MYO1D: variants seen among roughly 807,000 people sequenced by gnomAD.
The protein encoded by MYO1D is unconventional myosin-Id.
A neutral mutation model predicts 122.0 loss-of-function variants in MYO1D; 83 were observed. That is an observed-to-expected ratio of 0.68 (90% CI 0.57 to 0.82). MYO1D has a LOEUF of 0.82. Among genes scored for constraint, MYO1D ranks in the 40% least tolerant of loss-of-function variants. The pLI is 0.00. For missense variants in MYO1D, 1,157 were observed against 1,269.5 expected, an observed-to-expected ratio of 0.91 and a Z score of 1.35; for synonymous variants, 464 against 446.9, an observed-to-expected ratio of 1.04 and a Z score of -0.48.
At chr17:32,691,925 C>T (rs774605933) in intron 16 of MYO1D, among the ~76,000 whole-genome samples, 2 of 152,032 alleles carry the variant, frequency 1.3e-5, no homozygotes, top group Admixed American at 6.6e-5. Context: ...TGAAAAATCC[C>T]GAGTATTTGG....
chr17:32,783,113 T>C (rs1457643040), intron 1 of MYO1D, among the ~76,000 whole-genome samples: 1 of 148,444 alleles, frequency 6.7e-6, no homozygotes, highest in African/African-American at 2.5e-5. Flanking sequence ...AGGAAAAGAA[T>C]CAAAAGGGCA....
At chr17:32,846,425 T>C (rs2090938173) in intron 1 of MYO1D, among the ~76,000 whole-genome samples, 2 of 152,236 alleles carry the variant, frequency 1.3e-5, no homozygotes, top group South Asian at 4.1e-4. Context: ...ATGTGTAGTA[T>C]TTCTATTAGC....
chr17:32,597,470 T>C (rs1364328709), intron 21 of MYO1D, among the ~76,000 whole-genome samples: 2 of 137,374 alleles, frequency 1.5e-5, no homozygotes, highest in Non-Finnish European at 3.2e-5. Flanking sequence ...ATGGTATGTG[T>C]AGCATATCAC....
intron 1 of MYO1D, among the ~76,000 whole-genome samples, chr17:32,875,596 T>C (rs2091221041): frequency 6.6e-6 from 1 of 152,174 alleles, no homozygotes; most frequent in Non-Finnish European, 1.5e-5. Context: ...GTATATCATT[T>C]TGATTAATAT....
chr17:32,686,789 C>T (rs2089015284), intron 16 of MYO1D, among the ~76,000 whole-genome samples: 1 of 151,990 alleles, frequency 6.6e-6, no homozygotes, highest in South Asian at 2.1e-4. Context: ...TCACCTGAGC[C>T]CCAGAGGCTG....
intron 1 of MYO1D, among the ~76,000 whole-genome samples, chr17:32,854,011 C>A (rs2091009531): frequency 6.6e-6 from 1 of 152,192 alleles, no homozygotes; most frequent in South Asian, 2.1e-4. Context: ...TGAAAGTCAC[C>A]TTTCATAGCT....
intron 15 of MYO1D, among the ~76,000 whole-genome samples, chr17:32,717,258 CA>C (rs959198864): frequency 1.3e-4 from 20 of 152,208 alleles, no homozygotes; most frequent in African/African-American, 3.9e-4. Context: ...AATTTCAACA[CA>C]TAATTCTTTT....
At position 32,555,764 on chromosome 17, in the gene MYO1D, G is replaced by A. The variant is rs1184782942; in HGVS notation, c.2864+49323C>T. On this transcript the variant is annotated intron_variant, in intron 21 of 21. Transcript: ENST00000318217. ...CCCTCCTCACACCACGTGCAAAGCCGTGGCTAATGGTCTGTTCCTCCAACT... is the reference window on the plus strand; with the variant it reads ...CCCTCCTCACACCACGTGCAAAGCCATGGCTAATGGTCTGTTCCTCCAACT... Among the ~76,000 whole-genome samples, 10 of 152,278 alleles carry A rather than the reference G, an allele frequency of 6.6e-5. No homozygotes were observed. In the East Asian group the frequency reaches 1.2e-3, roughly 18 times the overall value.
intron 17 of MYO1D, among the ~76,000 whole-genome samples, chr17:32,658,130 CA>C (rs1227853546): frequency 2.0e-5 from 3 of 151,944 alleles, no homozygotes; most frequent in Non-Finnish European, 4.4e-5. Flanking sequence ...TTCTTATGAG[CA>C]ATTATTTCTT....
chr17:32,744,798 C>T (rs1035292676), intron 13 of MYO1D, among the ~76,000 whole-genome samples: 6 of 152,204 alleles, frequency 3.9e-5, no homozygotes, highest in Non-Finnish European at 8.8e-5. Flanking sequence ...ACACTAGATG[C>T]CACTCTGATA....
At chr17:32,772,712 G>A in intron 5 of MYO1D, 77 bp downstream of exon 5, 1 of 1,242,858 alleles carries the variant, frequency 8.0e-7, no homozygotes, top group Non-Finnish European at 1.2e-6. Flanking sequence ...ATAGGACAGG[G>A]GAAAGCCCAA....
chr17:32,546,183 G>A (rs912163894), intron 21 of MYO1D, among the ~76,000 whole-genome samples: 1 of 152,160 alleles, frequency 6.6e-6, no homozygotes, highest in Non-Finnish European at 1.5e-5. Flanking sequence ...GCACCCGGTA[G>A]AAATGGCTCC....
intron 14 of MYO1D, among the ~76,000 whole-genome samples, chr17:32,729,539 C>T (rs1197176805): frequency 6.6e-6 from 1 of 151,974 alleles, no homozygotes; most frequent in South Asian, 2.1e-4. Flanking sequence ...AAGTGCTAGA[C>T]AAAATATGGG....
chr17:32,774,103 G>C (rs933273353), intron 4 of MYO1D, among the ~76,000 whole-genome samples: 13 of 151,954 alleles, frequency 8.6e-5, no homozygotes, highest in Non-Finnish European at 1.8e-4. Flanking sequence ...CCTCACACCC[G>C]ATCTGGCTTA....
intron 21 of MYO1D, among the ~76,000 whole-genome samples, chr17:32,584,282 A>G (rs186821486): frequency 6.6e-6 from 1 of 152,196 alleles, no homozygotes; most frequent in Non-Finnish European, 1.5e-5. Flanking sequence ...GTTTCCCTTG[A>G]TAAGACAATA....
At chr17:32,583,824 C>CA (rs1392422781) in intron 21 of MYO1D, among the ~76,000 whole-genome samples, 4 of 152,040 alleles carry the variant, frequency 2.6e-5, no homozygotes, top group African/African-American at 9.7e-5. Flanking sequence ...ACTGCAGCCT[C>CA]AACCTCCTGG....
In MYO1D at chr17:32,654,203, C is replaced by T. The variant is rs77133003; in HGVS notation, c.2491-256G>A. ...AATATAAAGGTAGTAATTAAAAAAT[C>T]GTCACTGAATGATGTAAGGGAAGGT... On this transcript the variant is annotated intron_variant, in intron 18 of 21. Transcript: ENST00000318217. Among the ~76,000 whole-genome samples, 945 of 152,178 alleles carry T rather than the reference C, an allele frequency of 6.2e-3. 12 individuals are homozygous for T. The highest frequency in any genetic ancestry group is 0.018 in the African/African-American group (752 of 41,514).
At chr17:32,519,901 TAAAA>T (rs576868258) in intron 21 of MYO1D, among the ~76,000 whole-genome samples, 7,541 of 132,136 alleles carry the variant, frequency 0.057, 522 homozygotes, top group African/African-American at 0.16. Flanking sequence ...TTTTTTTTTT[TAAAA>T]AAAAAAACCA....
intron 21 of MYO1D, among the ~76,000 whole-genome samples, chr17:32,521,933 T>A (rs1910153573): frequency 6.6e-6 from 1 of 151,688 alleles, no homozygotes; most frequent in African/African-American, 2.4e-5. Context: ...AATACAAAAA[T>A]TAGCCAGGTG....
Sources: allele counts gnomAD v4.1 joint callset (sites outside exome capture counted in the v4.1 genomes callset), GRCh38; gene constraint gnomAD v4.1.1; transcripts MANE v1.5; gene names NCBI Gene and HGNC (gene_info 2026-07-23, HGNC 2026-07-21).